The following PCSK5 variants were observed in gnomAD, a reference collection of about 807,000 sequenced individuals.
PCSK5 encodes the protein proprotein convertase subtilisin/kexin type 5.
Under a neutral mutation model 233.2 loss-of-function variants are expected in PCSK5, and 129 were observed. The ratio of observed to expected loss-of-function variants is 0.55; its 90% CI spans 0.48 to 0.64. The LOEUF (loss-of-function observed/expected upper bound fraction) is 0.64. Ranked by LOEUF, PCSK5 falls within the 30% of genes least tolerant of loss-of-function variation. The pLI, the probability that PCSK5 is intolerant of heterozygous loss-of-function variation, is 0.00. For missense variants in PCSK5, 2,076 were observed against 2,430.1 expected, an observed-to-expected ratio of 0.85 and a Z score of 3.06; for synonymous variants, 825 against 879.2, an observed-to-expected ratio of 0.94 and a Z score of 1.09.
chr9:75,944,021 G>A (rs953716332), intron 2 of PCSK5, among the ~76,000 whole-genome samples: 2 of 151,884 alleles, frequency 1.3e-5, no homozygotes, highest in African/African-American at 4.8e-5. Context: ...AAATCAGCTG[G>A]GTGTAGTGGC....
At chr9:76,158,745 A>C (rs1350661185) in intron 11 of PCSK5, among the ~76,000 whole-genome samples, 1 of 152,172 alleles carries the variant, frequency 6.6e-6, no homozygotes, top group Admixed American at 6.5e-5. Flanking sequence ...ACTCAGTTTG[A>C]GATCTATTAC....
At chr9:76,009,789 C>A (rs1037053109) in intron 3 of PCSK5, among the ~76,000 whole-genome samples, 14 of 152,026 alleles carry the variant, frequency 9.2e-5, no homozygotes, top group Non-Finnish European at 1.8e-4. Flanking sequence ...TAAGGAATAA[C>A]CGTATTCAGA....
chr9:75,911,201 G>GTTTTTTTTTTTTTTTTTTTTT (rs71370772), intron 1 of PCSK5, among the ~76,000 whole-genome samples: 3 of 48,758 alleles, frequency 6.2e-5, no homozygotes, highest in African/African-American at 1.7e-4. Flanking sequence ...GAACATATAG[G>GTTTTTTTTTTTTTTTTTTTTT]TTTTTTTTTT....
intron 14 of PCSK5, chr9:76,175,409 A>C (rs1181981342): frequency 2.3e-6 from 1 of 437,864 alleles, no homozygotes; most frequent in Non-Finnish European, 4.0e-6. Context: ...CAGTGCACTC[A>C]TATATTCAAA....
At chr9:76,161,149 A>G (rs965494169) in intron 12 of PCSK5, among the ~76,000 whole-genome samples, 5 of 152,308 alleles carry the variant, frequency 3.3e-5, no homozygotes, top group Middle Eastern at 3.4e-3. Flanking sequence ...GACGTCTTCC[A>G]TTAGTGTATG....
At chr9:76,322,603 C>G (rs894789403) in intron 31 of PCSK5, among the ~76,000 whole-genome samples, 1 of 152,212 alleles carries the variant, frequency 6.6e-6, no homozygotes, top group Non-Finnish European at 1.5e-5. Context: ...ACTGATCAAT[C>G]CTGTATTCAT....
At chr9:75,906,531 A>G (rs1826272745) in intron 1 of PCSK5, among the ~76,000 whole-genome samples, 1 of 152,094 alleles carries the variant, frequency 6.6e-6, no homozygotes, top group Non-Finnish European at 1.5e-5. Context: ...AGCCGCAGAT[A>G]CCTAATTTTA....
rs972465746 is a variant in PCSK5, at chr9:76,055,449, A to G, written c.633-12506A>G. 1.3e-5 allele frequency among the ~76,000 whole-genome samples: 2 copies of G among 152,048 alleles called. 1 individual carries two copies. Among genetic ancestry groups the G allele is most frequent in the African/African-American group, 4.8e-5 (2 of 41,410 alleles). On this transcript the variant is annotated intron_variant, in intron 5 of 37. Coordinates refer to ENST00000674117, the MANE Select transcript of PCSK5 (RefSeq NM_001372043.1). ...TCAAATATATTTTGGTAAGCTTTTC[A>G]TTGACAACAGGGGGATAATGCATTT...
At chr9:75,926,768 T>G (rs1823510644) in intron 1 of PCSK5, among the ~76,000 whole-genome samples, 1 of 152,250 alleles carries the variant, frequency 6.6e-6, no homozygotes, top group South Asian at 2.1e-4. Context: ...TTTTCATTAC[T>G]GGGTATCATT....
intron 30 of PCSK5, among the ~76,000 whole-genome samples, chr9:76,315,669 G>C (rs1390414781): frequency 7.5e-6 from 1 of 134,178 alleles, no homozygotes; most frequent in South Asian, 2.3e-4. Context: ...TTTTGAGACA[G>C]AGTCTTGCTC....
At chr9:76,181,615 G>T in intron 16 of PCSK5, 24 bp downstream of exon 16, 2 of 1,541,006 alleles carry the variant, frequency 1.3e-6, no homozygotes, top group East Asian at 2.3e-5. Context: ...AAATACTTGG[G>T]TTTTAGAGAA....
chr9:76,254,281 T>C (rs1826906742), intron 24 of PCSK5, among the ~76,000 whole-genome samples: 1 of 152,182 alleles, frequency 6.6e-6, no homozygotes, highest in African/African-American at 2.4e-5. Flanking sequence ...TGACTATGGG[T>C]CATGGGACTG....
chr9:75,946,303 G>A (rs1408714328), intron 2 of PCSK5, among the ~76,000 whole-genome samples: 1 of 152,206 alleles, frequency 6.6e-6, no homozygotes, highest in Non-Finnish European at 1.5e-5. Flanking sequence ...GTTATAAAAT[G>A]AAAGCAACAT....
intron 24 of PCSK5, among the ~76,000 whole-genome samples, chr9:76,277,172 G>A (rs1389402644): frequency 6.6e-6 from 1 of 152,144 alleles, no homozygotes; most frequent in Non-Finnish European, 1.5e-5. Flanking sequence ...GGAGGTTGCA[G>A]TGAGATCATG....
intron 12 of PCSK5, among the ~76,000 whole-genome samples, chr9:76,162,295 A>G (rs922647184): frequency 3.9e-5 from 6 of 152,240 alleles, no homozygotes; most frequent in Admixed American, 2.6e-4. Flanking sequence ...TTGGCACTCT[A>G]TCCATCTGGA....
chr9:76,188,463 C>A, intron 17 of PCSK5, 115 bp from the exon 18 acceptor site: 1 of 669,630 alleles, frequency 1.5e-6, no homozygotes, highest in South Asian at 2.0e-5. Flanking sequence ...GAAGCTTTGC[C>A]AAATCCACTG....
At chr9:75,923,965 C>G (rs1345499897) in intron 1 of PCSK5, among the ~76,000 whole-genome samples, 3 of 152,156 alleles carry the variant, frequency 2.0e-5, no homozygotes, top group Non-Finnish European at 4.4e-5. Context: ...ATCTCTTTCT[C>G]TAATTGCTGC....
At chr9:76,320,565 C>A (rs1470434163) in intron 30 of PCSK5, among the ~76,000 whole-genome samples, 1 of 138,634 alleles carries the variant, frequency 7.2e-6, no homozygotes, top group Non-Finnish European at 1.5e-5. Flanking sequence ...CCTCTGCCTT[C>A]CTGGTTCAAG....
chr9:76,327,325 T>A (rs932070114), intron 32 of PCSK5, among the ~76,000 whole-genome samples: 1 of 152,034 alleles, frequency 6.6e-6, no homozygotes, highest in African/African-American at 2.4e-5. Flanking sequence ...CAGGCTGGTC[T>A]CGAACTCCTG....
Sources: gnomAD v4.1 joint callset for allele counts (sites outside exome capture counted in the v4.1 genomes callset) on GRCh38, gnomAD v4.1.1 for gene constraint, MANE v1.5 for transcripts, NCBI Gene and HGNC (gene_info 2026-07-23, HGNC 2026-07-21) for gene names.